Variants in KCNAB1 observed in about 807,000 individuals in gnomAD.
KCNAB1 encodes voltage-gated potassium channel subunit beta-1.
KCNAB1 carries 35 observed loss-of-function variants against 64.6 expected under a neutral mutation model. The observed-to-expected ratio is 0.54, with a 90% CI of 0.41 to 0.72. The LOEUF is 0.72. KCNAB1 is among the 30% of genes least tolerant of loss of function. KCNAB1 has a pLI of 0.00. For synonymous variants in KCNAB1, 177 were observed against 183.8 expected (o/e 0.96, Z 0.30); for missense variants, 401 against 512.9 (o/e 0.78, Z 2.11).
intron 13 of KCNAB1, among the ~76,000 whole-genome samples, chr3:156,533,299 C>T (rs577147662): frequency 6.6e-6 from 1 of 152,182 alleles, no homozygotes; most frequent in Non-Finnish European, 1.5e-5. Flanking sequence ...TCATTTTTTA[C>T]ATTCTTTGAC....
chr3:156,169,811 T>A (rs2108323397), intron 1 of KCNAB1, among the ~76,000 whole-genome samples: 1 of 152,364 alleles, frequency 6.6e-6, no homozygotes, highest in South Asian at 2.1e-4. Flanking sequence ...ATTGTAGGTT[T>A]CCTGCAGCCT....
At chr3:156,306,152 A>T (rs1010069976) in intron 1 of KCNAB1, among the ~76,000 whole-genome samples, 4 of 152,224 alleles carry the variant, frequency 2.6e-5, no homozygotes, top group Non-Finnish European at 4.4e-5. Flanking sequence ...AATTAAAAAA[A>T]GTGATGTAAC....
At chr3:156,267,819 C>T (rs929108074) in intron 1 of KCNAB1, among the ~76,000 whole-genome samples, 1 of 151,994 alleles carries the variant, frequency 6.6e-6, no homozygotes, top group African/African-American at 2.4e-5. Context: ...TATTTTGATA[C>T]AGGCATGCAA....
rs779486541 is a variant in KCNAB1 at position 156,171,194 on chromosome 3, T to TACAC, written c.275+50337_275+50340dup. Among the ~76,000 whole-genome samples the TACAC allele has an allele frequency of 8.8e-3, 1,296 of 147,704 alleles. 25 individuals are homozygous for TACAC. Among genetic ancestry groups the TACAC allele is most frequent in the African/African-American group, 0.03 (1,204 of 39,638 alleles). ...TATAGTTAGAAACTTCACGCACACA[T>TACAC]ACACACACACACACACACACACACA... On this transcript the variant is annotated intron_variant, in intron 1 of 13. Coordinates refer to ENST00000490337, the MANE Select transcript of KCNAB1 (RefSeq NM_172160.3).
chr3:156,266,119 C>A (rs1287598376), intron 1 of KCNAB1, among the ~76,000 whole-genome samples: 1 of 152,188 alleles, frequency 6.6e-6, no homozygotes, highest in Non-Finnish European at 1.5e-5. Flanking sequence ...TGCCTCTCTT[C>A]AAATCTTCTC....
chr3:156,474,496 T>G (rs1169489513), intron 7 of KCNAB1, among the ~76,000 whole-genome samples: 1 of 152,218 alleles, frequency 6.6e-6, no homozygotes. Flanking sequence ...GTGTATATTT[T>G]CCTGTGAGAG....
chr3:156,421,044 A>G (rs1715434372), intron 1 of KCNAB1, among the ~76,000 whole-genome samples: 1 of 150,524 alleles, frequency 6.6e-6, no homozygotes, highest in Non-Finnish European at 1.5e-5. Context: ...AACCTAAAAG[A>G]TAGTTTTATA....
At chr3:156,267,965 A>G (rs1470712381) in intron 1 of KCNAB1, among the ~76,000 whole-genome samples, 1 of 152,064 alleles carries the variant, frequency 6.6e-6, no homozygotes, top group Non-Finnish European at 1.5e-5. Flanking sequence ...TTGCTATAAA[A>G]TACTAGATCT....
rs76176101 is a variant in KCNAB1 at position 156,423,914 on chromosome 3, G to C, written c.319+2255G>C. On this transcript the variant is annotated intron_variant, in intron 2 of 13. Coordinates refer to ENST00000490337, the MANE Select transcript of KCNAB1 (RefSeq NM_172160.3). ...TATATCCCAGAGGGACTAAAGAATTGTTGAAGCAAAAACATTAGAGACAGT... is the reference window on the plus strand; with the variant it reads ...TATATCCCAGAGGGACTAAAGAATTCTTGAAGCAAAAACATTAGAGACAGT... 1.6e-4 allele frequency among the ~76,000 whole-genome samples: 25 copies of C among 152,246 alleles called. No homozygotes were observed. The East Asian group carries it at 4.4e-3, about 27-fold the overall frequency.
chr3:156,433,976 T>G (rs1464001234), intron 2 of KCNAB1, among the ~76,000 whole-genome samples: 1 of 152,232 alleles, frequency 6.6e-6, no homozygotes, highest in Non-Finnish European at 1.5e-5. Flanking sequence ...CCATCTGGCA[T>G]GGCTCTGGGG....
intron 1 of KCNAB1, among the ~76,000 whole-genome samples, chr3:156,210,282 T>A (rs1714934935): frequency 1.3e-5 from 2 of 152,130 alleles, no homozygotes; most frequent in East Asian, 3.9e-4. Flanking sequence ...TACATTTCAC[T>A]TTTTCTGAAG....
At chr3:156,384,339 T>A (rs1210149687) in intron 1 of KCNAB1, among the ~76,000 whole-genome samples, 2 of 152,232 alleles carry the variant, frequency 1.3e-5, no homozygotes, top group Non-Finnish European at 2.9e-5. Context: ...TTTGCCTGAA[T>A]GTCCTTCTAC....
At chr3:156,148,106 C>A (rs1230237259) in intron 1 of KCNAB1, among the ~76,000 whole-genome samples, 1 of 152,098 alleles carries the variant, frequency 6.6e-6, no homozygotes, top group African/African-American at 2.4e-5. Flanking sequence ...GCATGCTTAC[C>A]CTCCACCTTC....
At chr3:156,291,513 G>C (rs1720418173) in intron 1 of KCNAB1, 1 of 1,067,270 alleles carries the variant, frequency 9.4e-7, no homozygotes, top group South Asian at 3.2e-5. Context: ...ACCGCGGACC[G>C]GCTCCGCGAA....
chr3:156,180,356 A>G (rs1025692786), intron 1 of KCNAB1, among the ~76,000 whole-genome samples: 13 of 152,228 alleles, frequency 8.5e-5, no homozygotes, highest in Admixed American at 2.6e-4. Context: ...ATTGTGCCAT[A>G]CTGACTAGTT....
intron 1 of KCNAB1, among the ~76,000 whole-genome samples, chr3:156,146,324 CT>C (rs1296683837): frequency 1.3e-5 from 2 of 151,972 alleles, no homozygotes; most frequent in South Asian, 2.1e-4. Flanking sequence ...AAATGGTTAC[CT>C]AAGAGGGTCT....
At chr3:156,323,890 T>G (rs1249612654) in intron 1 of KCNAB1, among the ~76,000 whole-genome samples, 1 of 152,224 alleles carries the variant, frequency 6.6e-6, no homozygotes, top group Non-Finnish European at 1.5e-5. Context: ...AAATGGCTTT[T>G]ATTAAGTATG....
At chr3:156,337,219 C>T (rs1723776463) in intron 1 of KCNAB1, among the ~76,000 whole-genome samples, 1 of 152,170 alleles carries the variant, frequency 6.6e-6, no homozygotes, top group African/African-American at 2.4e-5. Context: ...AATAAATCAT[C>T]ACCTGAGAAC....
intron 1 of KCNAB1, among the ~76,000 whole-genome samples, chr3:156,195,269 A>G (rs1284459636): frequency 6.6e-6 from 1 of 152,234 alleles, no homozygotes; most frequent in Admixed American, 6.5e-5. Context: ...TCTTTATAGT[A>G]GAATGATTTA....
Sources: allele counts gnomAD v4.1 joint callset (sites outside exome capture counted in the v4.1 genomes callset), GRCh38; gene constraint gnomAD v4.1.1; transcripts MANE v1.5; gene names NCBI Gene and HGNC (gene_info 2026-07-23, HGNC 2026-07-21).